The following PDE3B variants were observed in gnomAD, a reference collection of about 807,000 sequenced individuals.
PDE3B encodes cGMP-inhibited 3',5'-cyclic phosphodiesterase 3B.
In PDE3B, 66 loss-of-function variants were observed where a neutral mutation model predicts 116.8. The observed-to-expected ratio is 0.56, with a 90% CI of 0.46 to 0.69. The LOEUF is 0.69. Among genes scored for constraint, PDE3B ranks in the 30% least tolerant of loss-of-function variants. The probability of loss-of-function intolerance (pLI) is 0.00; values close to 1 mark genes in which losing one functional copy is unlikely to be tolerated. For synonymous variants in PDE3B, 595 were observed against 533.6 expected, an observed-to-expected ratio of 1.12 and a Z score of -1.59; for missense variants, 1,384 against 1,368.1, an observed-to-expected ratio of 1.01 and a Z score of -0.18.
chr11:14,729,338 A>G (rs1180443797), intron 1 of PDE3B, among the ~76,000 whole-genome samples: 1 of 152,224 alleles, frequency 6.6e-6, no homozygotes, highest in East Asian at 1.9e-4. Context: ...TTGTAAAATA[A>G]CATTTCAAAG....
At chr11:14,670,695 C>T (rs1266481057) in intron 1 of PDE3B, among the ~76,000 whole-genome samples, 1 of 151,928 alleles carries the variant, frequency 6.6e-6, no homozygotes. Flanking sequence ...GGATATCTTC[C>T]AACCATAATA....
At chr11:14,657,261 A>G (rs756770376) in intron 1 of PDE3B, among the ~76,000 whole-genome samples, 25 of 152,320 alleles carry the variant, frequency 1.6e-4, no homozygotes, top group Middle Eastern at 3.4e-3. Context: ...GTTGATAACT[A>G]TGCAGCACCT....
chr11:14,830,008 T>C (rs113103935), intron 7 of PDE3B, among the ~76,000 whole-genome samples: 3,178 of 152,274 alleles, frequency 0.021, 113 homozygotes, highest in African/African-American at 0.073. Context: ...TATGCCTGGC[T>C]TCCTTCACTA....
At chr11:14,873,952 CGAG>C (rs1286838542), downstream of PDE3B, among the ~76,000 whole-genome samples, 1 of 152,040 alleles carries the variant, frequency 6.6e-6, no homozygotes, top group African/African-American at 2.4e-5. Flanking sequence ...TTTGGGAGGC[CGAG>C]GAGGGTGGAT....
chr11:14,644,272 C>T lies in PDE3B; in HGVS notation c.197C>T (p.Pro66Leu), dbSNP rs907709613. 6.4e-7 allele frequency: 1 copy of T among 1,567,124 alleles called. No homozygotes were observed. ...GAGCTGCGGCCGCCGCCGGCCTCTC[C>T]CCAGCAGCCGCGGCGCTGCTCCCCC... is the stretch of plus-strand genomic sequence containing the variant. ...NVELRPPPASPQQPRRCSPFC... is the reference protein window; with the variant it reads ...NVELRPPPASLQQPRRCSPFC... The change falls in exon 1 of 16, where the codon CCC (proline) becomes CTC (leucine). Residue 66 changes from proline (P) to leucine (L), a missense_variant. Around this residue, in one of 2 missense-constraint regions of PDE3B, gnomAD observed 956 missense variants for 806.8 expected, o/e 1.18. Transcript: ENST00000282096.
intron 1 of PDE3B, among the ~76,000 whole-genome samples, chr11:14,651,751 T>A (rs1299742333): frequency 6.6e-6 from 1 of 152,216 alleles, no homozygotes; most frequent in African/African-American, 2.4e-5. Flanking sequence ...CAACACACTA[T>A]ATTGAAAAGT....
intron 1 of PDE3B, among the ~76,000 whole-genome samples, chr11:14,696,213 G>T (rs1182533676): frequency 1.3e-5 from 2 of 152,188 alleles, no homozygotes; most frequent in African/African-American, 4.8e-5. Flanking sequence ...TGTCTGGCGT[G>T]AGATGGTATC....
chr11:14,891,692 C>CGCAGGA, the PDE3B span: 2 of 1,202,174 alleles, frequency 1.7e-6, no homozygotes, highest in Non-Finnish European at 2.1e-6. Flanking sequence ...ACGGCGCAGG[C>CGCAGGA]GCAGGAGCAA....
intron 11 of PDE3B, among the ~76,000 whole-genome samples, chr11:14,843,190 G>A (rs1415234151): frequency 1.3e-5 from 2 of 152,158 alleles, no homozygotes; most frequent in East Asian, 3.8e-4. Context: ...TGAACATATT[G>A]TTTCTAAGAA....
At chr11:14,678,722 T>A (rs1226690207) in intron 1 of PDE3B, among the ~76,000 whole-genome samples, 3 of 152,246 alleles carry the variant, frequency 2.0e-5, no homozygotes, top group Admixed American at 1.3e-4. Flanking sequence ...CTTCATTCTA[T>A]GAACAATGTC....
the PDE3B span, among the ~76,000 whole-genome samples, chr11:14,883,650 A>G: frequency 8.5e-5 from 13 of 152,152 alleles, no homozygotes; most frequent in Non-Finnish European, 1.5e-4. Context: ...TAAAACACCA[A>G]AAGCAATGGC....
chr11:14,680,840 A>G (rs1489410576), intron 1 of PDE3B, among the ~76,000 whole-genome samples: 1 of 150,910 alleles, frequency 6.6e-6, no homozygotes, highest in Non-Finnish European at 1.5e-5. Flanking sequence ...TGGACATGAT[A>G]TATCTCTTTA....
chr11:14,851,404 T>A (rs957541612), intron 12 of PDE3B, among the ~76,000 whole-genome samples: 3 of 151,856 alleles, frequency 2.0e-5, no homozygotes, highest in African/African-American at 7.3e-5. Context: ...CCAACTTTTT[T>A]AAAAATAGGA....
At chr11:14,772,704 A>G (rs867497933) in intron 2 of PDE3B, 3 of 151,988 alleles carry the variant, frequency 2.0e-5, no homozygotes, top group South Asian at 2.1e-4. Flanking sequence ...CCTAAGTAAT[A>G]TATGTTTATA....
intron 12 of PDE3B, among the ~76,000 whole-genome samples, chr11:14,848,442 C>T (rs1847661964): frequency 1.3e-5 from 2 of 150,948 alleles, no homozygotes; most frequent in Admixed American, 1.3e-4. Flanking sequence ...ACAGGGATGC[C>T]CTCTCTCACC....
At chr11:14,802,463 C>T (rs1021431200) in intron 4 of PDE3B, among the ~76,000 whole-genome samples, 3 of 152,110 alleles carry the variant, frequency 2.0e-5, no homozygotes, top group Admixed American at 6.5e-5. Flanking sequence ...TTCAGCTCGC[C>T]GTCTTTGGGC....
chr11:14,789,153 A>G lies in PDE3B; in HGVS notation c.1326A>G (p.Ser442=). ...CAACTCCACAGCTGAGGAGAAGCTC[A>G]GGAACTTCAGGATTGCTACCTGTTG... ...SLPTPQLRRS[S]GTSGLLPVEQ... The change falls in exon 4 of 16, where the codon TCA becomes TCG. Residue 442 remains serine (S), a synonymous_variant. Transcript: ENST00000282096. The G allele has an allele frequency of 6.2e-7, 1 of 1,609,530 alleles. No homozygotes were observed. Among genetic ancestry groups the G allele is most frequent in the Non-Finnish European group, 8.5e-7 (1 of 1,176,386 alleles).
At chr11:14,804,994 A>T (rs866043885) in intron 5 of PDE3B, among the ~76,000 whole-genome samples, 4 of 152,206 alleles carry the variant, frequency 2.6e-5, no homozygotes, top group Non-Finnish European at 5.9e-5. Flanking sequence ...AAGGAAAAAT[A>T]CATAAATAAC....
chr11:14,674,562 G>A (rs1854474018), intron 1 of PDE3B: 1 of 381,224 alleles, frequency 2.6e-6, no homozygotes, highest in Non-Finnish European at 5.3e-6. Flanking sequence ...CCATTTATAA[G>A]TGATTTGCTG....
Sources: allele counts gnomAD v4.1 joint callset (sites outside exome capture counted in the v4.1 genomes callset), GRCh38; gene constraint gnomAD v4.1.1; regional missense constraint gnomAD v4.1.1; transcripts MANE v1.5; gene names NCBI Gene and HGNC (gene_info 2026-07-23, HGNC 2026-07-21).